Variants in SYNPO2 observed in about 807,000 individuals in gnomAD.
SYNPO2 encodes the protein synaptopodin 2.
In SYNPO2, 56 loss-of-function variants were observed where a neutral mutation model predicts 85.0. The observed-to-expected ratio is 0.66, with a 90% confidence interval of 0.53 to 0.82. The LOEUF (loss-of-function observed/expected upper bound fraction) is 0.82. Ranked by LOEUF, SYNPO2 falls within the 40% of genes least tolerant of loss-of-function variation. SYNPO2 has a pLI of 0.00. For missense variants in SYNPO2, 1,575 were observed against 1,534.2 expected (o/e 1.03, Z -0.44); for synonymous variants, 602 against 591.1 (o/e 1.02, Z -0.27).
intron 1 of SYNPO2, among the ~76,000 whole-genome samples, chr4:118,970,931 A>G (rs912497928): frequency 6.6e-6 from 1 of 152,224 alleles, no homozygotes; most frequent in African/African-American, 2.4e-5. Context: ...TGAGTTCCAG[A>G]GGACACAGAA....
chr4:118,933,078 CAAT>C (rs1463384687), intron 1 of SYNPO2, among the ~76,000 whole-genome samples: 1 of 152,038 alleles, frequency 6.6e-6, no homozygotes, highest in Non-Finnish European at 1.5e-5. Flanking sequence ...TATTTTATGT[CAAT>C]GATGAAAAAG....
At chr4:119,019,528 T>C (rs530395115) in intron 1 of SYNPO2, among the ~76,000 whole-genome samples, 188 of 151,606 alleles carry the variant, frequency 1.2e-3, no homozygotes, top group African/African-American at 4.3e-3. Flanking sequence ...ATTGTCTGTT[T>C]TAATTTTTAA....
At chr4:118,873,986 T>C (rs2110574146) in intron 1 of SYNPO2, among the ~76,000 whole-genome samples, 1 of 147,180 alleles carries the variant, frequency 6.8e-6, no homozygotes, top group South Asian at 2.1e-4. Flanking sequence ...TTTTCCCCAG[T>C]GTATGTTCTT....
Position 119,008,439 on chromosome 4 carries a change from T to G in SYNPO2, c.106-14991T>G, listed in dbSNP as rs527995506. 9.2e-5 allele frequency among the ~76,000 whole-genome samples: 14 copies of G among 151,836 alleles called. No individual in the cohort carries two copies. The East Asian group carries it at 2.7e-3, about 29-fold the overall frequency. Reference sequence around the variant, plus strand: ...CACTGGTTTAAATTGCACAGGCTTTTTTTTTTTTTTCCTTGGCAAAGCAAG... The same window carrying G: ...CACTGGTTTAAATTGCACAGGCTTTGTTTTTTTTTTCCTTGGCAAAGCAAG... On this transcript the variant is annotated intron_variant, in intron 1 of 4. Transcript: ENST00000307142.
chr4:118,959,155 T>C (rs1033518942), intron 1 of SYNPO2, among the ~76,000 whole-genome samples: 7 of 152,212 alleles, frequency 4.6e-5, no homozygotes, highest in African/African-American at 7.2e-5. Context: ...GAGTGAAGTA[T>C]ATTAATTGCA....
In SYNPO2 at chr4:119,057,923, C is replaced by G; in HGVS notation, c.3775C>G (p.Arg1259Gly). ...NYNPHPRGWR[R>G]QT is the part of the protein sequence containing the mutation. ...CAACCCACACCCAAGGGGATGGAGA[C>G]GCCAAACATGAAAGTTAGAAGAACG... Residue 1259 changes from arginine (R) to glycine (G), a missense_variant, in exon 5 of 5, where the codon CGC (arginine) becomes GGC (glycine). Physicochemically the swap from Arg to Gly is moderately radical, Grantham distance 125 (BLOSUM62 -2). This residue lies in a region of SYNPO2 where 1,508 missense variants were observed against 1,446.8 expected (regional missense o/e 1.04). Transcript: ENST00000307142. The G allele has an allele frequency of 6.2e-7, 1 of 1,609,154 alleles. No homozygotes were observed. The highest frequency in any genetic ancestry group is 8.5e-7 in the Non-Finnish European group (1 of 1,177,782).
chr4:119,031,626 G>A lies in SYNPO2; in HGVS notation c.2851G>A (p.Gly951Ser). The A allele has an allele frequency of 6.2e-7, 1 of 1,613,970 alleles. No homozygotes were observed. The highest frequency in any genetic ancestry group is 1.1e-5 in the South Asian group (1 of 91,078). ...QPSAAQPSKM[G>S]KKKGKKPLNA... ...ATCAGCTGCACAGCCCTCCAAAATG[G>A]GCAAGAAAAAGGGAAAGAAACCCCT... The change falls in exon 4 of 5, where the codon GGC (glycine) becomes AGC (serine). Residue 951 changes from glycine (G) to serine (S), a missense_variant. By Grantham distance (56) the Gly-to-Ser change is moderately conservative. This residue lies in a region of SYNPO2 where 1,508 missense variants were observed against 1,446.8 expected (regional missense o/e 1.04). Coordinates refer to ENST00000307142, the MANE Select transcript of SYNPO2 (RefSeq NM_133477.3).
In SYNPO2 at chr4:118,996,102, T is replaced by C. The variant is rs1029907281; in HGVS notation, c.106-27328T>C. On this transcript the variant is annotated intron_variant, in intron 1 of 4. Coordinates refer to ENST00000307142, the MANE Select transcript of SYNPO2 (RefSeq NM_133477.3). ...ACAAACTTTTCATCCTCTCTCTACC[T>C]GTCCAGCCTCATCTCTCTCATGACT... is the stretch of plus-strand genomic sequence containing the variant. Among the ~76,000 whole-genome samples, 62 of 152,224 alleles carry C rather than the reference T, an allele frequency of 4.1e-4. 2 individuals are homozygous for C. The highest frequency in any genetic ancestry group is 5.9e-5 in the Non-Finnish European group (4 of 68,042).
chr4:119,035,497 G>GCATACAA (rs1421416186), intron 4 of SYNPO2: 14 of 985,246 alleles, frequency 1.4e-5, no homozygotes, highest in Non-Finnish European at 1.6e-5. Flanking sequence ...ACCTTGTTAG[G>GCATACAA]AACGTGTTTT....
intron 1 of SYNPO2, among the ~76,000 whole-genome samples, chr4:119,009,200 A>G (rs1737195215): frequency 1.3e-5 from 2 of 152,224 alleles, no homozygotes; most frequent in Admixed American, 6.5e-5. Flanking sequence ...AGAGCTAATT[A>G]TTGGCAAGCA....
intron 1 of SYNPO2, among the ~76,000 whole-genome samples, chr4:118,975,741 G>C (rs1484215531): frequency 6.6e-6 from 1 of 152,146 alleles, no homozygotes; most frequent in African/African-American, 2.4e-5. Context: ...CTGGATCAGA[G>C]CCAACCAGCA....
chr4:118,946,032 C>T (rs185450989), intron 1 of SYNPO2, among the ~76,000 whole-genome samples: 7 of 152,278 alleles, frequency 4.6e-5, no homozygotes, highest in Admixed American at 4.6e-4. Flanking sequence ...GCGTGAGCCA[C>T]CACGCCTGGC....
chr4:119,054,878 G>T (rs183157835), intron 4 of SYNPO2, among the ~76,000 whole-genome samples: 3 of 152,252 alleles, frequency 2.0e-5, no homozygotes, highest in Admixed American at 6.5e-5. Context: ...TCTGCCTCCT[G>T]CCTCTATCAT....
intron 1 of SYNPO2, among the ~76,000 whole-genome samples, chr4:118,854,077 T>C (rs537639851): frequency 1.3e-5 from 2 of 152,348 alleles, no homozygotes; most frequent in East Asian, 1.9e-4. Flanking sequence ...ACTGAGTTTC[T>C]GTTTCTCCAA....
intron 1 of SYNPO2, among the ~76,000 whole-genome samples, chr4:118,852,110 C>T (rs545689982): frequency 4.0e-5 from 6 of 151,824 alleles, no homozygotes; most frequent in South Asian, 2.1e-4. Context: ...ATTGATTTGC[C>T]GTATAAAAAA....
chr4:118,935,963 G>A (rs1734086072), intron 1 of SYNPO2, among the ~76,000 whole-genome samples: 2 of 152,142 alleles, frequency 1.3e-5, no homozygotes, highest in Admixed American at 1.3e-4. Context: ...AGGGGTGGCA[G>A]AGGCAGAAGA....
In SYNPO2 at chr4:118,925,354, A is replaced by G. The variant is rs10028761; in HGVS notation, c.105+36213A>G. On this transcript the variant is annotated intron_variant, in intron 1 of 4. Transcript: ENST00000307142. ...TAATATGCCAGTTTTAAACCAGATG[A>G]CTGTTGGCCTCAAAAGCCCAGCTGA... 9.1e-3 allele frequency among the ~76,000 whole-genome samples: 1,377 copies of G among 152,124 alleles called. 14 individuals are homozygous for G. The highest frequency in any genetic ancestry group is 0.031 in the African/African-American group (1,286 of 41,508).
At chr4:119,047,958 C>T (rs1408218428) in intron 4 of SYNPO2, among the ~76,000 whole-genome samples, 2 of 152,176 alleles carry the variant, frequency 1.3e-5, no homozygotes, top group African/African-American at 4.8e-5. Context: ...TCGTTTTCTT[C>T]TTAGGTCTGA....
Position 119,058,464 on chromosome 4 carries a change from C to CTT in SYNPO2, c.*555_*556dup, listed in dbSNP as rs70944828. 0.036 allele frequency: 3,963 copies of CTT among 109,080 alleles called. 803 individuals are homozygous for CTT. The highest frequency in any genetic ancestry group is 0.073 in the East Asian group (223 of 3,044). The allele number at this position is 109,080 out of a possible 1,614,324, so 6.8% of individuals were successfully genotyped here. Reference sequence around the variant, plus strand: ...CTTGGTGTTAAGTATTTCTCTGCAACTTTTTTTTTTTTTTTTTTTTTTTTT... The same window carrying CTT: ...CTTGGTGTTAAGTATTTCTCTGCAACTTTTTTTTTTTTTTTTTTTTTTTTTTT... On this transcript the variant is annotated 3_prime_UTR_variant, in exon 5 of 5. Transcript: ENST00000307142.
Sources: gnomAD v4.1 joint callset for allele counts (sites outside exome capture counted in the v4.1 genomes callset) on GRCh38, gnomAD v4.1.1 for gene constraint, gnomAD v4.1.1 regional missense constraint, MANE v1.5 for transcripts, NCBI Gene and HGNC (gene_info 2026-07-23, HGNC 2026-07-21) for gene names.